Variants in FAM81B observed in about 807,000 individuals in gnomAD.
The protein encoded by FAM81B is family with sequence similarity 81 member B, also known as protein FAM81B.
Under a neutral mutation model 58.7 loss-of-function variants are expected in FAM81B, and 60 were observed. The observed-to-expected ratio is 1.02, with a 90% confidence interval of 0.83 to 1.27. FAM81B has a LOEUF of 1.27. FAM81B is among the 50% of genes most tolerant of loss of function. The pLI is 0.00. For synonymous variants in FAM81B, 189 were observed against 179.6 expected, an observed-to-expected ratio of 1.05 and a Z score of -0.42; for missense variants, 491 against 522.0, an observed-to-expected ratio of 0.94 and a Z score of 0.58.
chr5:95,403,287 G>C (rs900784715), intron 3 of FAM81B, among the ~76,000 whole-genome samples: 2 of 152,128 alleles, frequency 1.3e-5, no homozygotes, highest in African/African-American at 4.8e-5. Context: ...TCAAGTATAA[G>C]AAATACTGAA....
At chr5:95,405,297 C>A (rs1012986402) in intron 3 of FAM81B, among the ~76,000 whole-genome samples, 1 of 152,158 alleles carries the variant, frequency 6.6e-6, no homozygotes, top group Non-Finnish European at 1.5e-5. Flanking sequence ...AGTTTCAAAT[C>A]GTGACCCTGA....
chr5:95,446,170 A>C (rs1279181846), intron 7 of FAM81B, among the ~76,000 whole-genome samples: 3 of 152,204 alleles, frequency 2.0e-5, no homozygotes, highest in African/African-American at 7.2e-5. Context: ...GACAACGCCT[A>C]GCATGAGTAA....
At chr5:95,395,576 A>C (rs892165779) in intron 2 of FAM81B, among the ~76,000 whole-genome samples, 1 of 152,170 alleles carries the variant, frequency 6.6e-6, no homozygotes, top group Non-Finnish European at 1.5e-5. Context: ...TTCTAGTAGT[A>C]CCATTTTATT....
At chr5:95,415,980 A>G (rs1222443224) in intron 4 of FAM81B, among the ~76,000 whole-genome samples, 2 of 152,230 alleles carry the variant, frequency 1.3e-5, no homozygotes, top group African/African-American at 4.8e-5. Context: ...CTAAAAAAAG[A>G]CAAATCCAAA....
intron 6 of FAM81B, among the ~76,000 whole-genome samples, chr5:95,435,487 T>C (rs1745064144): frequency 6.6e-6 from 1 of 152,192 alleles, no homozygotes; most frequent in African/African-American, 2.4e-5. Context: ...CCAAGTTACA[T>C]GGTTTGATAT....
intron 7 of FAM81B, chr5:95,440,728 A>T: frequency 2.1e-6 from 1 of 482,276 alleles, no homozygotes. Flanking sequence ...ATTTAGTACA[A>T]CTGGGAACCA....
chr5:95,424,042 T>A, intron 5 of FAM81B: 1 of 1,289,562 alleles, frequency 7.8e-7, no homozygotes, highest in Non-Finnish European at 1.0e-6. Flanking sequence ...ATCATTTCTA[T>A]CATCTAGGAC....
rs544913454 is a variant in FAM81B at position 95,428,360 on chromosome 5, C to T, written c.657-243C>T. Among the ~76,000 whole-genome samples, 3 of 152,216 alleles carry T rather than the reference C, an allele frequency of 2.0e-5. No homozygotes were observed. The South Asian group carries it at 6.2e-4, about 32-fold the overall frequency. On this transcript the variant is annotated intron_variant, in intron 5 of 9. Coordinates refer to ENST00000283357, the MANE Select transcript of FAM81B (RefSeq NM_152548.3). ...AATTCCCTCAATTTACCACAATATC[C>T]CCATGTAAACTATTTCAAGTTGGTG...
chr5:95,428,699 C>G lies in FAM81B; in HGVS notation c.753C>G (p.Ala251=). Residue 251 remains alanine, a synonymous_variant, in exon 6 of 10, where the codon GCC becomes GCG. Transcript: ENST00000283357. ...IEKAIQEFVP[A]LETLSKNLDM... ...AAGCCATTCAAGAATTCGTGCCCGC[C>G]CTGGAAACTCTTTCCAAGAACTTGG... 2 of 1,613,926 alleles carry G rather than the reference C, an allele frequency of 1.2e-6. No individual in the cohort carries two copies. The highest frequency in any genetic ancestry group is 2.2e-5 in the South Asian group (2 of 91,084).
chr5:95,448,769 T>C, intron 9 of FAM81B: 1 of 469,534 alleles, frequency 2.1e-6, no homozygotes, highest in Middle Eastern at 3.2e-4. Context: ...TGGAAAATCC[T>C]TGGACATACC....
intron 5 of FAM81B, among the ~76,000 whole-genome samples, chr5:95,421,858 G>A (rs947545783): frequency 6.6e-6 from 1 of 152,214 alleles, no homozygotes; most frequent in African/African-American, 2.4e-5. Context: ...ATTAAGCAGG[G>A]GGAGGTCAAG....
At chr5:95,407,930 G>A (rs751590679) in intron 3 of FAM81B, among the ~76,000 whole-genome samples, 2 of 152,172 alleles carry the variant, frequency 1.3e-5, no homozygotes, top group Non-Finnish European at 2.9e-5. Flanking sequence ...CAGTTTCTCA[G>A]GATCAGGAAT....
At chr5:95,431,492 T>C (rs148330781) in intron 6 of FAM81B, among the ~76,000 whole-genome samples, 60 of 152,148 alleles carry the variant, frequency 3.9e-4, no homozygotes, top group East Asian at 3.5e-3. Context: ...TTTCAATAAA[T>C]AAATCAAAAA....
intron 3 of FAM81B, chr5:95,406,218 A>C (rs993033902): frequency 6.5e-6 from 1 of 154,410 alleles, no homozygotes; most frequent in African/African-American, 2.4e-5. Flanking sequence ...GGCGAATAGA[A>C]GGCTTATTAC....
intron 3 of FAM81B, 152 bp downstream of exon 3, chr5:95,396,327 A>G: frequency 1.7e-6 from 1 of 587,866 alleles, no homozygotes; most frequent in East Asian, 3.0e-5. Flanking sequence ...TTCAGAAGAG[A>G]TTAAATCATG....
Position 95,414,330 on chromosome 5 carries a change from G to A in FAM81B, c.537+140G>A, listed in dbSNP as rs1173095458. 4.1e-6 allele frequency: 4 copies of A among 968,626 alleles called. No individual in the cohort carries two copies. In the African/African-American group the frequency reaches 5.0e-5, roughly 12 times the overall value. 60.0% of individuals were successfully genotyped at this position (968,626 alleles called of 1,614,324 possible). A position where few individuals can be genotyped will look rare whatever the true frequency, so the allele number is the denominator to read the frequency against. On this transcript the variant is annotated intron_variant, in intron 4 of 9. Coordinates refer to ENST00000283357, the MANE Select transcript of FAM81B (RefSeq NM_152548.3). ...TAAGTTTAGATGATTACATTTTAGT[G>A]GTCTAAGAGGGAAACAGTTCAATTT...
intron 7 of FAM81B, chr5:95,440,194 A>T (rs1745276588): frequency 1.6e-6 from 1 of 624,862 alleles, no homozygotes; most frequent in Admixed American, 1.9e-5. Flanking sequence ...ATTCAAGATC[A>T]ACAAGAAGCT....
At chr5:95,436,595 C>T (rs1745110247) in intron 6 of FAM81B, among the ~76,000 whole-genome samples, 1 of 152,154 alleles carries the variant, frequency 6.6e-6, no homozygotes, top group South Asian at 2.1e-4. Flanking sequence ...ATTATTCTTT[C>T]CTTGAAGATA....
chr5:95,419,992 A>C (rs928113456), intron 4 of FAM81B, among the ~76,000 whole-genome samples: 4 of 152,228 alleles, frequency 2.6e-5, no homozygotes, highest in Non-Finnish European at 2.9e-5. Flanking sequence ...CTTGAATAAT[A>C]TGCCAATATT....
Sources: gnomAD v4.1 joint callset for allele counts (sites outside exome capture counted in the v4.1 genomes callset) on GRCh38, gnomAD v4.1.1 for gene constraint, MANE v1.5 for transcripts, NCBI Gene and HGNC (gene_info 2026-07-23, HGNC 2026-07-21) for gene names.